NOP9: variants seen among roughly 807,000 people sequenced by gnomAD.
NOP9 encodes the protein NOP9 nucleolar protein, also known as nucleolar protein 9.
In NOP9, 50 loss-of-function variants were observed where a neutral mutation model predicts 63.0. The observed-to-expected ratio is 0.79, with a 90% CI of 0.63 to 1.00. NOP9 has a LOEUF of 1.00. NOP9 is among the 50% of genes least tolerant of loss of function. The pLI, the probability that NOP9 is intolerant of heterozygous loss-of-function variation, is 0.00. For synonymous variants in NOP9, 343 were observed against 332.8 expected, an observed-to-expected ratio of 1.03 and a Z score of -0.33; for missense variants, 758 against 803.0, an observed-to-expected ratio of 0.94 and a Z score of 0.68.
rs1441397289 is a variant in NOP9 at position 24,301,715 on chromosome 14, C to T, written c.801C>T (p.Asp267=). 1.9e-6 allele frequency: 3 copies of T among 1,613,990 alleles called. No individual in the cohort carries two copies. The highest frequency in any genetic ancestry group is 1.1e-5 in the South Asian group (1 of 91,090). ...LQDLSSSFLK[D]IAVFITDKIS... ...ACCTGAGCTCCTCCTTTCTGAAGGA[C>T]ATTGCAGGTAAGGAGGGAAGTAGGA... The change falls in exon 3 of 10, where the codon GAC becomes GAT. Residue 267 remains aspartate, a synonymous_variant. Coordinates refer to ENST00000267425, the MANE Select transcript of NOP9 (RefSeq NM_174913.3).
the NOP9 span, chr14:24,291,479 C>A: frequency 2.0e-6 from 3 of 1,485,838 alleles, no homozygotes; most frequent in Non-Finnish European, 2.8e-6. Context: ...ACTCCCGAGC[C>A]AGATCTGGGC....
rs562771901 is a variant in NOP9, at chr14:24,307,326, C to T, written c.*2231C>T. On this transcript the variant is annotated 3_prime_UTR_variant, in exon 10 of 10. Coordinates refer to ENST00000267425, the MANE Select transcript of NOP9 (RefSeq NM_174913.3). The stretch of plus-strand genomic sequence containing the variant: ...ACAAGTTGCCACTGTTGTGGAGCCC[C>T]TTGGCTACCCCTGCTATAGGAACCG... The T allele has an allele frequency of 7.1e-5, 112 of 1,579,066 alleles. 1 individual carries two copies. Among genetic ancestry groups the T allele is most frequent in the South Asian group, 6.6e-4 (57 of 86,142 alleles).
In NOP9 at chr14:24,305,821, A is replaced by G. The variant is rs1483549605; in HGVS notation, c.*726A>G. On this transcript the variant is annotated 3_prime_UTR_variant, in exon 10 of 10. Coordinates refer to ENST00000267425, the MANE Select transcript of NOP9 (RefSeq NM_174913.3). The stretch of plus-strand genomic sequence containing the variant: ...GATTTGGAAAACTTGGGAGGAAGCC[A>G]TCAAGCTGGGAGATGAGGACTTTCC... The G allele has an allele frequency of 6.2e-7, 1 of 1,601,818 alleles. No homozygotes were observed. Among genetic ancestry groups the G allele is most frequent in the Non-Finnish European group, 8.5e-7 (1 of 1,173,024 alleles).
chr14:24,297,853 C>G (rs1278772360), upstream of NOP9, among the ~76,000 whole-genome samples: 4 of 152,190 alleles, frequency 2.6e-5, no homozygotes, highest in Admixed American at 2.0e-4. Flanking sequence ...AAACTCAGTT[C>G]AAGAACCACC....
At position 24,305,262 on chromosome 14, in the gene NOP9, A is replaced by C; in HGVS notation, c.*167A>C. On this transcript the variant is annotated 3_prime_UTR_variant, in exon 10 of 10. Transcript: ENST00000267425. The stretch of plus-strand genomic sequence containing the variant: ...GGGGAAGGGTATGAAGACAGATCTC[A>C]AGGTAAAGTCAGAGAGGGCTGTCAT... 86 of 749,410 alleles carry C rather than the reference A, an allele frequency of 1.1e-4. No individual in the cohort carries two copies. Among genetic ancestry groups the C allele is most frequent in the Non-Finnish European group, 1.5e-4 (76 of 513,316 alleles). 46.4% of individuals were successfully genotyped at this position (749,410 alleles called of 1,614,324 possible).
rs748666928 is a variant in NOP9, at chr14:24,300,100, C to G, written c.146C>G (p.Pro49Arg). 3 of 1,613,402 alleles carry G rather than the reference C, an allele frequency of 1.9e-6. No homozygotes were observed. The South Asian group carries it at 3.3e-5, about 18-fold the overall frequency. Residue 49 changes from proline to arginine, a missense_variant, in exon 1 of 10, where the codon CCG becomes CGG. By Grantham distance (103) the Pro-to-Arg change is moderately radical. Coordinates refer to ENST00000267425, the MANE Select transcript of NOP9 (RefSeq NM_174913.3). ...PWPPPDGRSE[P>R]APDSHPHLSP... ...CCGCCTCCGGATGGGCGCTCGGAGC[C>G]GGCTCCAGATTCGCACCCGCACCTG... is the stretch of plus-strand genomic sequence containing the variant.
upstream of NOP9, chr14:24,296,847 A>G (rs1566405067): frequency 6.2e-7 from 1 of 1,614,224 alleles, no homozygotes; most frequent in African/African-American, 1.3e-5. Context: ...TGAATCGCAC[A>G]CCACAGGCAC....
upstream of NOP9, chr14:24,298,716 A>C: frequency 6.9e-6 from 3 of 437,696 alleles, no homozygotes; most frequent in East Asian, 4.2e-5. Context: ...AGCTGCTGGG[A>C]CTGCAGGAAC....
At position 24,299,966 on chromosome 14, in the gene NOP9, TCCGCGCTC is replaced by T; in HGVS notation, c.13_20del (p.Pro5SerfsTer29). The T allele has an allele frequency of 6.4e-7, 1 of 1,570,818 alleles. No homozygotes were observed. Among genetic ancestry groups the T allele is most frequent in the South Asian group, 1.2e-5 (1 of 86,276 alleles). The stretch of plus-strand genomic sequence containing the variant: ...GTCGCGAAGCACACATGGGGCAGGG[TCCGCGCTC>T]TCCACACAAGGTGGGGCGCCGGTTC... On this transcript the variant is annotated frameshift_variant, in exon 1 of 10. Coordinates refer to ENST00000267425, the MANE Select transcript of NOP9 (RefSeq NM_174913.3). LOFTEE classifies it high-confidence loss of function.
chr14:24,290,751 A>C, the NOP9 span: 1 of 1,427,746 alleles, frequency 7.0e-7, no homozygotes, highest in Non-Finnish European at 9.7e-7. Context: ...GCTTCTCTTC[A>C]TATCAAGGGT....
chr14:24,284,877 G>A, the NOP9 span, among the ~76,000 whole-genome samples: 265 of 152,186 alleles, frequency 1.7e-3, no homozygotes, highest in Admixed American at 5.0e-3. Context: ...TGCCTGGATC[G>A]CACCCCACTG....
chr14:24,282,795 A>G, the NOP9 span, among the ~76,000 whole-genome samples: 1 of 152,106 alleles, frequency 6.6e-6, no homozygotes, highest in Non-Finnish European at 1.5e-5. Context: ...CAGATTCACC[A>G]CTATCAAGCA....
chr14:24,291,711 GA>G, the NOP9 span: 1 of 1,413,510 alleles, frequency 7.1e-7, no homozygotes, highest in Non-Finnish European at 1.0e-6. Flanking sequence ...TGTTCCAGGA[GA>G]AAAAGACCAA....
At position 24,302,408 on chromosome 14, in the gene NOP9, T is replaced by A. The variant is rs776631952; in HGVS notation, c.1127T>A (p.Val376Asp). The stretch of plus-strand genomic sequence containing the variant: ...CCTTTGCAGCGCTTACTGGATGCAG[T>A]CACTACCCCTGAGCTGGTGAGTTGG... ...NFPLQRLLDA[V>D]TTPELLSPVF... is the part of the protein sequence containing the mutation. Residue 376 changes from valine to aspartate, a missense_variant, in exon 5 of 10, where the codon GTC becomes GAC. Physicochemically the swap from Val to Asp is radical, Grantham distance 152. Transcript: ENST00000267425. 6.2e-7 allele frequency: 1 copy of A among 1,611,362 alleles called. No homozygotes were observed. The highest frequency in any genetic ancestry group is 1.1e-5 in the South Asian group (1 of 91,024).
rs1390632438 is a variant in NOP9 at position 24,302,296 on chromosome 14, T to C, written c.1015T>C (p.Leu339=). The change falls in exon 5 of 10, where the codon TTG becomes CTG. Residue 339 remains leucine, a synonymous_variant. Coordinates refer to ENST00000267425, the MANE Select transcript of NOP9 (RefSeq NM_174913.3). The part of the protein sequence containing the change: ...SRLLEQVLLV[L]EPPRLQSLFE... ...ACTCCTGGAGCAGGTCCTGCTGGTG[T>C]TGGAGCCCCCAAGACTCCAGAGCCT... 1 of 1,614,060 alleles carries C rather than the reference T, an allele frequency of 6.2e-7. No homozygotes were observed. Among genetic ancestry groups the C allele is most frequent in the East Asian group, 2.2e-5 (1 of 44,896 alleles).
rs749741873 is a variant in NOP9 at position 24,300,149 on chromosome 14, C to T, written c.195C>T (p.Phe65=). 2.5e-6 allele frequency: 4 copies of T among 1,613,926 alleles called. No individual in the cohort carries two copies. The African/African-American group carries it at 5.3e-5, about 22-fold the overall frequency. The change falls in exon 1 of 10, where the codon TTC becomes TTT. Residue 65 remains phenylalanine (F), a synonymous_variant. Transcript: ENST00000267425. ...PHLSPEALGY[F]RRALSALKEA... is the part of the protein sequence containing the mutation. ...TGAGCCCGGAAGCTCTGGGATATTT[C>T]CGCCGGGCGCTGTCAGCATTGAAAG...
chr14:24,304,399 C>G, intron 8 of NOP9, 94 bp from the exon 9 acceptor site: 1 of 1,322,952 alleles, frequency 7.6e-7, no homozygotes, highest in Non-Finnish European at 1.1e-6. Flanking sequence ...TTTAATTCAG[C>G]CCTTAAACTC....
chr14:24,291,142 C>T, the NOP9 span: 1 of 1,614,110 alleles, frequency 6.2e-7, no homozygotes. Flanking sequence ...TCCTCACCGT[C>T]CACATCCCGA....
chr14:24,285,110 A>G, the NOP9 span, among the ~76,000 whole-genome samples: 1 of 152,212 alleles, frequency 6.6e-6, no homozygotes, highest in African/African-American at 2.4e-5. Context: ...ACCTGGGGAT[A>G]GAGGCTCCAA....
Sources: allele counts gnomAD v4.1 joint callset (sites outside exome capture counted in the v4.1 genomes callset), GRCh38; gene constraint gnomAD v4.1.1; transcripts MANE v1.5; gene names NCBI Gene and HGNC (gene_info 2026-07-23, HGNC 2026-07-21).